HRH1: variants seen among roughly 807,000 people sequenced by gnomAD.
The protein encoded by HRH1 is histamine H1 receptor.
HRH1 carries 6 observed loss-of-function variants against 10.3 expected under a neutral mutation model. That is an observed-to-expected ratio of 0.58 (90% CI 0.32 to 1.15). HRH1 has a LOEUF of 1.15. HRH1 is among the 50% of genes most tolerant of loss of function. The pLI is 0.05. For synonymous variants in HRH1, 242 were observed against 236.7 expected (o/e 1.02, Z -0.21); for missense variants, 514 against 615.3 (o/e 0.84, Z 1.74).
At chr3:11,196,355 C>T (rs2125024369) in intron 1 of HRH1, among the ~76,000 whole-genome samples, 1 of 152,318 alleles carries the variant, frequency 6.6e-6, no homozygotes, top group South Asian at 2.1e-4. Context: ...ATCTTACAGA[C>T]ATTCCTCACA....
intron 1 of HRH1, among the ~76,000 whole-genome samples, chr3:11,183,966 A>T (rs994171939): frequency 6.7e-6 from 1 of 149,072 alleles, no homozygotes; most frequent in African/African-American, 2.5e-5. Flanking sequence ...TCAGAGAGGC[A>T]GGCGGTGTGA....
chr3:11,202,377 C>A (rs1405330842), intron 1 of HRH1, among the ~76,000 whole-genome samples: 3 of 146,866 alleles, frequency 2.0e-5, no homozygotes, highest in South Asian at 4.3e-4. Context: ...TGCACTCCAG[C>A]CTGGGTGACA....
intron 1 of HRH1, among the ~76,000 whole-genome samples, chr3:11,196,615 T>C (rs1010366198): frequency 1.3e-5 from 2 of 152,120 alleles, no homozygotes; most frequent in Non-Finnish European, 2.9e-5. Context: ...CCTATACTGA[T>C]GGTGAAACTT....
chr3:11,253,164 A>G (rs1027207954), intron 1 of HRH1: 1 of 152,128 alleles, frequency 6.6e-6, no homozygotes, highest in Non-Finnish European at 1.5e-5. Flanking sequence ...AACAAGTTAC[A>G]CTAGATGGAA....
chr3:11,179,067 C>A (rs538475348), intron 1 of HRH1, among the ~76,000 whole-genome samples: 1 of 152,284 alleles, frequency 6.6e-6, no homozygotes, highest in African/African-American at 2.4e-5. Flanking sequence ...GCAGACAGAT[C>A]ACCTGAGGTC....
chr3:11,234,050 T>C (rs1287170814), intron 1 of HRH1, among the ~76,000 whole-genome samples: 2 of 152,142 alleles, frequency 1.3e-5, no homozygotes, highest in African/African-American at 4.8e-5. Flanking sequence ...CAGGTTTGGG[T>C]AGGACACACA....
intron 1 of HRH1, among the ~76,000 whole-genome samples, chr3:11,200,257 C>G (rs574391072): frequency 5.8e-4 from 89 of 152,272 alleles, no homozygotes; most frequent in Non-Finnish European, 9.7e-4. Context: ...CTAACCAGCC[C>G]TGGAGCTGCC....
intron 1 of HRH1, among the ~76,000 whole-genome samples, chr3:11,218,828 G>A (rs140722330): frequency 0.014 from 2,176 of 151,946 alleles, 53 homozygotes; most frequent in African/African-American, 0.05. Context: ...TGCCCGCCTC[G>A]GCCTCCCAAA....
At chr3:11,201,056 G>A (rs374193703) in intron 1 of HRH1, among the ~76,000 whole-genome samples, 9 of 152,224 alleles carry the variant, frequency 5.9e-5, no homozygotes, top group African/African-American at 1.9e-4. Flanking sequence ...AAAATGCTGT[G>A]TGCAGTTTTC....
At chr3:11,220,005 G>A (rs1245436276) in intron 1 of HRH1, among the ~76,000 whole-genome samples, 1 of 141,986 alleles carries the variant, frequency 7.0e-6, no homozygotes, top group Non-Finnish European at 1.5e-5. Context: ...AGGAAGTATT[G>A]GCTACAAACA....
At chr3:11,175,197 T>C (rs1337877600) in intron 1 of HRH1, among the ~76,000 whole-genome samples, 3 of 152,232 alleles carry the variant, frequency 2.0e-5, no homozygotes, top group Non-Finnish European at 2.9e-5. Context: ...GCTTCTGCTA[T>C]TGAGCACTTA....
At position 11,142,969 on chromosome 3, in the gene HRH1, T is replaced by A. The variant is rs114368910; in HGVS notation, c.-36+5570T>A. Among the ~76,000 whole-genome samples, 293 of 150,228 alleles carry A rather than the reference T, an allele frequency of 2.0e-3. 1 individual carries two copies. Among genetic ancestry groups the A allele is most frequent in the Middle Eastern group, 7.1e-3 (2 of 280 alleles). Reference sequence around the variant, plus strand: ...GGTGTCCGTGGCAAGATCTAAGGGATGAGTGTCCCAGGCATAGAGAACAGC... The same window carrying A: ...GGTGTCCGTGGCAAGATCTAAGGGAAGAGTGTCCCAGGCATAGAGAACAGC... On this transcript the variant is annotated intron_variant, in intron 1 of 1. Transcript: ENST00000438284.
chr3:11,150,095 G>C (rs1936569596), upstream of HRH1, among the ~76,000 whole-genome samples: 1 of 152,204 alleles, frequency 6.6e-6, no homozygotes, highest in South Asian at 2.1e-4. Flanking sequence ...GTGCCTTTCT[G>C]AAAGGAAATC....
intron 1 of HRH1, among the ~76,000 whole-genome samples, chr3:11,237,714 C>G (rs1939223275): frequency 1.8e-5 from 2 of 109,090 alleles, no homozygotes; most frequent in Admixed American, 1.5e-4. Context: ...CTTGCTCTGT[C>G]AACCAGGCTG....
chr3:11,256,166 G>A (rs1362041174), intron 1 of HRH1, among the ~76,000 whole-genome samples: 1 of 152,120 alleles, frequency 6.6e-6, no homozygotes, highest in Non-Finnish European at 1.5e-5. Flanking sequence ...AGGACTTTGG[G>A]TCACCCAAGG....
At chr3:11,247,823 A>T (rs547713182) in intron 1 of HRH1, among the ~76,000 whole-genome samples, 21 of 151,526 alleles carry the variant, frequency 1.4e-4, no homozygotes, top group African/African-American at 4.4e-4. Flanking sequence ...GGTGGGGGGG[A>T]ACTAAGGGAG....
intron 1 of HRH1, among the ~76,000 whole-genome samples, chr3:11,228,039 A>T (rs1938941206): frequency 6.6e-6 from 1 of 152,214 alleles, no homozygotes; most frequent in South Asian, 2.1e-4. Context: ...TAGTTCCTGA[A>T]TATATTAATG....
intron 1 of HRH1, among the ~76,000 whole-genome samples, chr3:11,247,189 G>T (rs952979022): frequency 3.9e-5 from 6 of 152,058 alleles, no homozygotes; most frequent in Non-Finnish European, 7.4e-5. Context: ...AGGTGTGGTG[G>T]TGCATGCCTG....
chr3:11,242,792 A>G (rs910097018), intron 1 of HRH1, among the ~76,000 whole-genome samples: 1 of 152,356 alleles, frequency 6.6e-6, no homozygotes, highest in African/African-American at 2.4e-5. Context: ...AATATTCGTC[A>G]ATGGGATAAA....
Sources: gnomAD v4.1 joint callset for allele counts (sites outside exome capture counted in the v4.1 genomes callset) on GRCh38, gnomAD v4.1.1 for gene constraint, MANE v1.5 for transcripts, NCBI Gene and HGNC (gene_info 2026-07-23, HGNC 2026-07-21) for gene names.